Variants in ZNF254 observed in about 807,000 individuals in gnomAD.
ZNF254 encodes the protein zinc finger protein 254.
A neutral mutation model predicts 12.4 loss-of-function variants in ZNF254; 10 were observed. That is an observed-to-expected ratio of 0.80 (90% confidence interval 0.50 to 1.36). ZNF254 has a LOEUF of 1.36. ZNF254 is among the 40% of genes most tolerant of loss of function. ZNF254 has a pLI of 0.00. For missense variants in ZNF254, 996 were observed against 763.9 expected, an observed-to-expected ratio of 1.30 and a Z score of -3.58; for synonymous variants, 305 against 253.4, an observed-to-expected ratio of 1.20 and a Z score of -1.93.
At chr19:24,059,543 T>G (rs568958457) in intron 2 of ZNF254, among the ~76,000 whole-genome samples, 1 of 152,270 alleles carries the variant, frequency 6.6e-6, no homozygotes, top group South Asian at 2.1e-4. Flanking sequence ...GCTTGGAATA[T>G]TCCCAAAAAG....
intron 2 of ZNF254, chr19:24,078,914 C>T (rs961747881): frequency 1.3e-5 from 2 of 152,156 alleles, no homozygotes; most frequent in Non-Finnish European, 2.9e-5. Context: ...CTGTCTACAA[C>T]AAAACAGAAG....
upstream of ZNF254, among the ~76,000 whole-genome samples, chr19:24,086,401 G>T (rs1972041611): frequency 6.6e-6 from 1 of 151,946 alleles, no homozygotes; most frequent in Non-Finnish European, 1.5e-5. Context: ...AGCCCCCCGG[G>T]TTCAAGGAAT....
At chr19:24,086,135 A>G (rs1320447018), upstream of ZNF254, among the ~76,000 whole-genome samples, 1 of 151,960 alleles carries the variant, frequency 6.6e-6, no homozygotes, top group Non-Finnish European at 1.5e-5. Flanking sequence ...TGAACCCAGG[A>G]GGCAGAGGTT....
chr19:24,129,745 A>G lies in ZNF254; in HGVS notation c.*1765A>G, dbSNP rs190931558. 1.6e-4 allele frequency: 25 copies of G among 152,116 alleles called. No homozygotes were observed. In the East Asian group the frequency reaches 3.3e-3, roughly 20 times the overall value. 9.4% of individuals were successfully genotyped at this position (152,116 alleles called of 1,614,324 possible). On this transcript the variant is annotated 3_prime_UTR_variant, in exon 4 of 4. Transcript: ENST00000357002. ...ACTTTTAGTTATTTTTAAATTTACA[A>G]TGTTATTGATTACAGGGTCATTTTT...
At chr19:24,036,260 G>A (rs62117630) in intron 1 of ZNF254, among the ~76,000 whole-genome samples, 24,094 of 151,602 alleles carry the variant, frequency 0.16, 2,091 homozygotes, top group Middle Eastern at 0.23. Flanking sequence ...TAGTAGAGAC[G>A]CGGTTTCACC....
chr19:24,123,231 TTATTG>T (rs1447944229), intron 3 of ZNF254, among the ~76,000 whole-genome samples: 1 of 152,208 alleles, frequency 6.6e-6, no homozygotes, highest in Non-Finnish European at 1.5e-5. Flanking sequence ...TTTTTCTGTC[TTATTG>T]TTTTATACTC....
intron 3 of ZNF254, among the ~76,000 whole-genome samples, chr19:24,115,125 C>T (rs1164332933): frequency 6.6e-6 from 1 of 152,144 alleles, no homozygotes; most frequent in East Asian, 1.9e-4. Context: ...GGCGATTCCT[C>T]AGGGATCTAG....
At chr19:24,113,190 C>A (rs1973807478) in intron 3 of ZNF254, among the ~76,000 whole-genome samples, 1 of 152,170 alleles carries the variant, frequency 6.6e-6, no homozygotes, top group South Asian at 2.1e-4. Context: ...ATGAGGCCAG[C>A]ATCATCCTGT....
At chr19:24,047,109 T>C (rs1422837731) in intron 2 of ZNF254, among the ~76,000 whole-genome samples, 1 of 152,082 alleles carries the variant, frequency 6.6e-6, no homozygotes, top group African/African-American at 2.4e-5. Context: ...CCTCAAGTGA[T>C]CCTCATGCCT....
In ZNF254 at chr19:24,127,916, T is replaced by A. The variant is rs1331117045; in HGVS notation, c.1916T>A (p.Phe639Tyr). ...AAATGGGAAAAATTTGGCAAAGCCT[T>A]TAATCGGTCCTCGCACCTCACCACA... Reference protein sequence around the residue: ...PYKWEKFGKAFNRSSHLTTDK... With the variant: ...PYKWEKFGKAYNRSSHLTTDK... The change falls in exon 4 of 4, where the codon TTT (phenylalanine) becomes TAT (tyrosine). Residue 639 changes from phenylalanine (F) to tyrosine (Y), a missense_variant. Physicochemically the swap from Phe to Tyr is conservative, Grantham distance 22 (BLOSUM62 3). Transcript: ENST00000357002. 6.2e-7 allele frequency: 1 copy of A among 1,610,488 alleles called. No homozygotes were observed. Among genetic ancestry groups the A allele is most frequent in the African/African-American group, 1.3e-5 (1 of 74,812 alleles).
chr19:24,055,703 CTT>C (rs1167916187), intron 2 of ZNF254, among the ~76,000 whole-genome samples: 5 of 152,146 alleles, frequency 3.3e-5, no homozygotes, highest in South Asian at 2.1e-4. Flanking sequence ...AAAATTGACT[CTT>C]ATATATGGAT....
At chr19:24,052,569 GCC>G (rs1221748236) in intron 2 of ZNF254, among the ~76,000 whole-genome samples, 1 of 152,116 alleles carries the variant, frequency 6.6e-6, no homozygotes, top group East Asian at 1.9e-4. Context: ...CCTGGTCCTT[GCC>G]CACAGATCAT....
chr19:24,110,685 C>T (rs1973617109), intron 3 of ZNF254, among the ~76,000 whole-genome samples: 1 of 152,122 alleles, frequency 6.6e-6, no homozygotes, highest in Admixed American at 6.5e-5. Context: ...TAACATTTAC[C>T]TATTTTATGC....
chr19:24,122,115 A>G (rs916392110), intron 3 of ZNF254, among the ~76,000 whole-genome samples: 21 of 152,186 alleles, frequency 1.4e-4, no homozygotes, highest in Non-Finnish European at 2.2e-4. Context: ...ATATTTTTAA[A>G]TATTCAGTTA....
chr19:24,105,699 A>G (rs1430483408), intron 1 of ZNF254: 2 of 419,500 alleles, frequency 4.8e-6, no homozygotes, highest in Non-Finnish European at 7.8e-6. Flanking sequence ...CTTCAATTTT[A>G]CATGTTATCT....
intron 2 of ZNF254, among the ~76,000 whole-genome samples, chr19:24,048,295 G>A (rs984802117): frequency 4.6e-5 from 7 of 152,064 alleles, no homozygotes; most frequent in Non-Finnish European, 8.8e-5. Flanking sequence ...CACCTTGGGG[G>A]GAATAAGTTT....
intron 3 of ZNF254, among the ~76,000 whole-genome samples, chr19:24,113,192 T>A (rs1363517390): frequency 1.3e-5 from 2 of 152,200 alleles, no homozygotes; most frequent in African/African-American, 2.4e-5. Context: ...GAGGCCAGCA[T>A]CATCCTGTTA....
rs1972984326 is a variant in ZNF254, at chr19:24,100,870, C to T, written c.31-5070C>T. 2.8e-5 allele frequency among the ~76,000 whole-genome samples: 4 copies of T among 144,376 alleles called. No homozygotes were observed. The South Asian group carries it at 8.7e-4, about 31-fold the overall frequency. The allele number at this position is 144,376 out of a possible 152,430, so 94.7% of individuals were successfully genotyped here. The stretch of plus-strand genomic sequence containing the variant: ...TAGATGTGGTTTTGCTCTTGTTGCT[C>T]AGGCTGGAGTGCAATGGCTTGATCT... On this transcript the variant is annotated intron_variant, in intron 1 of 3. Transcript: ENST00000357002.
intron 2 of ZNF254, among the ~76,000 whole-genome samples, chr19:24,046,986 T>C (rs1041192517): frequency 6.6e-6 from 1 of 151,732 alleles, no homozygotes; most frequent in Non-Finnish European, 1.5e-5. Flanking sequence ...TCCTTCAGCC[T>C]CTGAATAGCT....
Sources: gnomAD v4.1 joint callset for allele counts (sites outside exome capture counted in the v4.1 genomes callset) on GRCh38, gnomAD v4.1.1 for gene constraint, MANE v1.5 for transcripts, NCBI Gene and HGNC (gene_info 2026-07-23, HGNC 2026-07-21) for gene names.